Variants in SLC25A13 observed in about 807,000 individuals in gnomAD.
The protein encoded by SLC25A13 is electrogenic aspartate/glutamate antiporter SLC25A13, mitochondrial.
A neutral mutation model predicts 85.5 loss-of-function variants in SLC25A13; 70 were observed. The observed-to-expected ratio is 0.82, with a 90% confidence interval of 0.68 to 1.00. The LOEUF (loss-of-function observed/expected upper bound fraction) is 1.00, where lower values mean the gene tolerates loss of function less well. Among genes scored for constraint, SLC25A13 ranks in the 50% least tolerant of loss-of-function variants. SLC25A13 has a pLI of 0.00. For synonymous variants in SLC25A13, 259 were observed against 288.7 expected (o/e 0.90, Z 1.04); for missense variants, 765 against 819.8 (o/e 0.93, Z 0.82).
chr7:96,121,326 G>A lies in SLC25A13; in HGVS notation c.1893C>T (p.Ala631=). Residue 631 remains alanine, a synonymous_variant, in exon 18 of 18, where the codon GCC becomes GCT. Coordinates refer to ENST00000265631, the MANE Select transcript of SLC25A13 (RefSeq NM_014251.3). ...PVPKSRINLP[A]PNPDHVGGYK... ...AGCCCCCAACGTGATCAGGATTCGG[G>A]GCAGGCAGGTTGATCCTGGATTTAG... The A allele has an allele frequency of 6.2e-7, 1 of 1,614,180 alleles. No homozygotes were observed.
intron 2 of SLC25A13, among the ~76,000 whole-genome samples, chr7:96,282,010 C>T (rs139617034): frequency 8.3e-4 from 126 of 152,190 alleles, no homozygotes; most frequent in African/African-American, 2.9e-3. Flanking sequence ...ATAGGGGGAA[C>T]GGACTATATC....
intron 3 of SLC25A13, among the ~76,000 whole-genome samples, chr7:96,262,888 G>A (rs1562886689): frequency 6.6e-6 from 1 of 151,854 alleles, no homozygotes; most frequent in Non-Finnish European, 1.5e-5. Flanking sequence ...TTATAATATG[G>A]GCAGTGAAAA....
intron 8 of SLC25A13, 92 bp downstream of exon 8, chr7:96,189,489 A>G: frequency 6.6e-7 from 1 of 1,521,230 alleles, no homozygotes; most frequent in Non-Finnish European, 9.1e-7. Context: ...TATAGCCTTC[A>G]GTTTGGCTTC....
intron 13 of SLC25A13, among the ~76,000 whole-genome samples, chr7:96,149,716 C>G (rs556796014): frequency 6.6e-6 from 1 of 152,228 alleles, no homozygotes; most frequent in South Asian, 2.1e-4. Context: ...TCCAAGGCAC[C>G]AAGAGAAGAT....
chr7:96,170,471 T>A (rs967977161), intron 12 of SLC25A13, among the ~76,000 whole-genome samples: 1 of 152,206 alleles, frequency 6.6e-6, no homozygotes, highest in Non-Finnish European at 1.5e-5. Context: ...AACTGTTTTA[T>A]AAGGCTTGAT....
At chr7:96,138,961 A>G (rs1013810554) in intron 14 of SLC25A13, among the ~76,000 whole-genome samples, 5 of 152,194 alleles carry the variant, frequency 3.3e-5, no homozygotes, top group Admixed American at 6.5e-5. Flanking sequence ...GTTGTTGACC[A>G]CACAGCATTG....
chr7:96,304,087 A>G (rs1010688311), intron 1 of SLC25A13, among the ~76,000 whole-genome samples: 4 of 152,136 alleles, frequency 2.6e-5, no homozygotes, highest in African/African-American at 9.7e-5. Context: ...ACTTAAGAAA[A>G]TAATTTTTTA....
At chr7:96,274,820 G>A (rs1339114600) in intron 3 of SLC25A13, among the ~76,000 whole-genome samples, 1 of 152,204 alleles carries the variant, frequency 6.6e-6, no homozygotes, top group Non-Finnish European at 1.5e-5. Context: ...GATGGTTGTA[G>A]ATATGCAGCA....
intron 3 of SLC25A13, among the ~76,000 whole-genome samples, chr7:96,269,125 T>C (rs1798138583): frequency 6.6e-6 from 1 of 152,160 alleles, no homozygotes; most frequent in Non-Finnish European, 1.5e-5. Context: ...TTTTTTTCCA[T>C]TCACCATGTT....
chr7:96,163,876 C>A (rs1214530779), intron 13 of SLC25A13, among the ~76,000 whole-genome samples: 1 of 152,034 alleles, frequency 6.6e-6, no homozygotes, highest in African/African-American at 2.4e-5. Flanking sequence ...CTAAAACATT[C>A]ATTTTCACAA....
chr7:96,164,747 A>ACACACACACACACACAC (rs55828121), intron 13 of SLC25A13, among the ~76,000 whole-genome samples: 2 of 85,062 alleles, frequency 2.4e-5, no homozygotes, highest in Non-Finnish European at 5.1e-5. Context: ...CACACACACA[A>ACACACACACACACACAC]AAGAAGCAGC....
intron 4 of SLC25A13, among the ~76,000 whole-genome samples, chr7:96,216,920 A>AG (rs1795922476): frequency 6.6e-6 from 1 of 152,166 alleles, no homozygotes. Flanking sequence ...AAAAAAAGAG[A>AG]GAAAAAAAGA....
chr7:96,239,513 T>G (rs1311106116), intron 3 of SLC25A13, among the ~76,000 whole-genome samples: 1 of 152,096 alleles, frequency 6.6e-6, no homozygotes, highest in Non-Finnish European at 1.5e-5. Flanking sequence ...CTTAGTTCCT[T>G]TTCCACCCGC....
chr7:96,154,188 A>G (rs1793161193), intron 13 of SLC25A13, among the ~76,000 whole-genome samples: 1 of 152,184 alleles, frequency 6.6e-6, no homozygotes, highest in Non-Finnish European at 1.5e-5. Context: ...TTATATCAGT[A>G]CACATTTACA....
At chr7:96,262,377 G>A (rs953172957) in intron 3 of SLC25A13, among the ~76,000 whole-genome samples, 1 of 152,144 alleles carries the variant, frequency 6.6e-6, no homozygotes, top group African/African-American at 2.4e-5. Context: ...CATATGCTGG[G>A]AAGAATATGG....
chr7:96,304,804 A>G (rs1799683506), intron 1 of SLC25A13, among the ~76,000 whole-genome samples: 1 of 152,234 alleles, frequency 6.6e-6, no homozygotes, highest in Non-Finnish European at 1.5e-5. Context: ...CCAGGCACCG[A>G]GGAGAAAACA....
chr7:96,290,007 G>A (rs1358413482), intron 2 of SLC25A13, among the ~76,000 whole-genome samples: 1 of 152,208 alleles, frequency 6.6e-6, no homozygotes, highest in Non-Finnish European at 1.5e-5. Context: ...AGGGCAGCCA[G>A]AGAGAAAGGT....
At chr7:96,286,327 CAT>C (rs1371573900) in intron 2 of SLC25A13, among the ~76,000 whole-genome samples, 1 of 150,986 alleles carries the variant, frequency 6.6e-6, no homozygotes, top group African/African-American at 2.4e-5. Context: ...CTTAGCCCCA[CAT>C]GTTTTATAAC....
chr7:96,193,368 A>G (rs893574985), intron 5 of SLC25A13, among the ~76,000 whole-genome samples, 185 bp from the exon 6 acceptor site: 1 of 152,180 alleles, frequency 6.6e-6, no homozygotes. Context: ...TGCTCAGACC[A>G]ATGAACATGT....
Sources: allele counts gnomAD v4.1 joint callset (sites outside exome capture counted in the v4.1 genomes callset), GRCh38; gene constraint gnomAD v4.1.1; transcripts MANE v1.5; gene names NCBI Gene and HGNC (gene_info 2026-07-23, HGNC 2026-07-21).